NSMCE2: variants seen among roughly 807,000 people sequenced by gnomAD.
The protein encoded by NSMCE2 is NSE2 SUMO ligase component of SMC5/6 complex, also known as E3 SUMO-protein ligase NSE2.
A neutral mutation model predicts 23.8 loss-of-function variants in NSMCE2; 24 were observed. The ratio of observed to expected loss-of-function variants is 1.01; its 90% confidence interval spans 0.73 to 1.42. The LOEUF (loss-of-function observed/expected upper bound fraction) is 1.42, where lower values mean the gene tolerates loss of function less well. Ranked by LOEUF, NSMCE2 falls within the 40% of genes most tolerant of loss-of-function variation. NSMCE2 has a pLI of 0.00. For synonymous variants in NSMCE2, 92 were observed against 94.1 expected, an observed-to-expected ratio of 0.98 and a Z score of 0.13; for missense variants, 284 against 296.5, an observed-to-expected ratio of 0.96 and a Z score of 0.31.
intron 5 of NSMCE2, among the ~76,000 whole-genome samples, chr8:125,326,988 C>T (rs1305562660): frequency 6.8e-6 from 1 of 147,884 alleles, no homozygotes; most frequent in African/African-American, 2.5e-5. Flanking sequence ...GAGGGCCAGG[C>T]GAGGTGGCTC....
chr8:125,197,540 C>A (rs1198090423), intron 5 of NSMCE2, among the ~76,000 whole-genome samples: 1 of 152,146 alleles, frequency 6.6e-6, no homozygotes, highest in African/African-American at 2.4e-5. Context: ...GGCCTCTGTT[C>A]TGTTCCATTG....
chr8:125,279,705 A>G (rs564882828), intron 5 of NSMCE2, among the ~76,000 whole-genome samples: 1 of 152,322 alleles, frequency 6.6e-6, no homozygotes, highest in East Asian at 1.9e-4. Context: ...CAAGTGTGTC[A>G]TCTTGATTAT....
At position 125,268,321 on chromosome 8, in the gene NSMCE2, C is replaced by T. The variant is rs185673568; in HGVS notation, c.418+86065C>T. On this transcript the variant is annotated intron_variant, in intron 5 of 7. Transcript: ENST00000287437. ...GAAAGGAAAGTTGTGACGTATGTGG[C>T]AAAGGAAATTGACATTGTCACTGGC... Among the ~76,000 whole-genome samples the T allele has an allele frequency of 1.8e-3, 272 of 151,930 alleles. 4 individuals are homozygous for T. The highest frequency in any genetic ancestry group is 0.011 in the South Asian group (55 of 4,806).
intron 3 of NSMCE2, among the ~76,000 whole-genome samples, chr8:125,137,892 G>A (rs1820153187): frequency 6.6e-6 from 1 of 152,226 alleles, no homozygotes; most frequent in African/African-American, 2.4e-5. Flanking sequence ...TAAATGAGAT[G>A]ATGCATGTAA....
intron 5 of NSMCE2, among the ~76,000 whole-genome samples, chr8:125,271,396 T>C (rs930497378): frequency 3.3e-5 from 5 of 152,108 alleles, no homozygotes; most frequent in Admixed American, 2.0e-4. Context: ...ATATTTGGAA[T>C]GTTGTGGTAA....
At chr8:125,305,096 T>A (rs1348240324) in intron 5 of NSMCE2, among the ~76,000 whole-genome samples, 9 of 152,172 alleles carry the variant, frequency 5.9e-5, no homozygotes, top group African/African-American at 2.2e-4. Context: ...AAGTGAAGGA[T>A]GTCTTTATGT....
rs1167841454 is a variant in NSMCE2 at position 125,354,821 on chromosome 8, G to T, written c.419-2398G>T. ...ACAAGAGCTCTGCAGCCCTTTCCCT[G>T]CCCCTCAGTACAGCTTGAGCATCCC... On this transcript the variant is annotated intron_variant, in intron 5 of 7. Transcript: ENST00000287437. Among the ~76,000 whole-genome samples, 3 of 152,188 alleles carry T rather than the reference G, an allele frequency of 2.0e-5. No individual in the cohort carries two copies. In the East Asian group the frequency reaches 5.8e-4, roughly 29 times the overall value.
intron 5 of NSMCE2, among the ~76,000 whole-genome samples, chr8:125,301,472 C>T (rs976678540): frequency 6.6e-6 from 1 of 151,864 alleles, no homozygotes; most frequent in Non-Finnish European, 1.5e-5. Flanking sequence ...ATGGAGGTGG[C>T]GGTGGGGTGG....
intron 3 of NSMCE2, among the ~76,000 whole-genome samples, chr8:125,143,503 A>G (rs987656233): frequency 3.3e-5 from 5 of 152,206 alleles, no homozygotes; most frequent in African/African-American, 1.2e-4. Flanking sequence ...TCTTCTGAGT[A>G]TATGAGTCAT....
chr8:125,280,577 G>A (rs1827650558), intron 5 of NSMCE2, among the ~76,000 whole-genome samples: 1 of 152,102 alleles, frequency 6.6e-6, no homozygotes, highest in African/African-American at 2.4e-5. Flanking sequence ...ATCATACTTA[G>A]TTTTGAAACC....
chr8:125,231,891 C>T (rs1174474375), intron 5 of NSMCE2, among the ~76,000 whole-genome samples: 2 of 152,170 alleles, frequency 1.3e-5, no homozygotes, highest in Non-Finnish European at 2.9e-5. Context: ...ACACTTAAGA[C>T]AGGTCTGCCT....
intron 5 of NSMCE2, among the ~76,000 whole-genome samples, chr8:125,192,273 A>C (rs1010560586): frequency 2.0e-5 from 3 of 152,078 alleles, no homozygotes; most frequent in Admixed American, 1.3e-4. Context: ...GATATACTGG[A>C]AGTTTCAGGC....
In NSMCE2 at chr8:125,112,975, CA is replaced by C. The variant is rs199884509; in HGVS notation, c.157+10492del. On this transcript the variant is annotated intron_variant, in intron 3 of 7. Coordinates refer to ENST00000287437, the MANE Select transcript of NSMCE2 (RefSeq NM_173685.4). Reference sequence around the variant, plus strand: ...GCCATTCCACAGTGTTTACATATTTCAAAACAAAATGTATACCATAAATATA... The same window carrying C: ...GCCATTCCACAGTGTTTACATATTTCAAACAAAATGTATACCATAAATATA... Among the ~76,000 whole-genome samples, 1,057 of 138,744 alleles carry C rather than the reference CA, an allele frequency of 7.6e-3. 12 individuals are homozygous for C. The highest frequency in any genetic ancestry group is 0.024 in the Middle Eastern group (5 of 206). The allele number at this position is 138,744 out of a possible 152,430, so 91.0% of individuals were successfully genotyped here. A position where few individuals can be genotyped will look rare whatever the true frequency, so the allele number is the denominator to read the frequency against.
chr8:125,106,047 T>TACACAC (rs138450338), intron 3 of NSMCE2, among the ~76,000 whole-genome samples: 11,408 of 148,256 alleles, frequency 0.077, 467 homozygotes, highest in Non-Finnish European at 0.095. Flanking sequence ...TGTGTGTGCA[T>TACACAC]ACACACACAC....
chr8:125,275,669 A>C (rs756266331), intron 5 of NSMCE2, among the ~76,000 whole-genome samples: 1 of 152,238 alleles, frequency 6.6e-6, no homozygotes, highest in Non-Finnish European at 1.5e-5. Flanking sequence ...TCAGGGAAAG[A>C]GGAAACGAAG....
intron 5 of NSMCE2, among the ~76,000 whole-genome samples, chr8:125,213,485 G>GTCTCCTCTCCTCTCC (rs141971083): frequency 8.1e-4 from 61 of 75,140 alleles, no homozygotes; most frequent in African/African-American, 3.4e-3. Context: ...AGGCACCCAT[G>GTCTCCTCTCCTCTCC]TCTCCTCTCC....
chr8:125,296,417 C>T (rs904919072), intron 5 of NSMCE2, among the ~76,000 whole-genome samples: 3 of 73,030 alleles, frequency 4.1e-5, no homozygotes, highest in African/African-American at 1.0e-4. Context: ...TTTTTTGAAA[C>T]GGAGTCTTGC....
At chr8:125,155,704 T>C (rs1821270903) in intron 4 of NSMCE2, among the ~76,000 whole-genome samples, 1 of 152,216 alleles carries the variant, frequency 6.6e-6, no homozygotes, top group African/African-American at 2.4e-5. Flanking sequence ...TTTATGATTG[T>C]TTTAAACTAA....
intron 3 of NSMCE2, among the ~76,000 whole-genome samples, chr8:125,125,482 T>C (rs1586470706): frequency 6.6e-6 from 1 of 152,012 alleles, no homozygotes; most frequent in African/African-American, 2.4e-5. Context: ...AATAAGCAAG[T>C]GGAATAAAGC....
Sources: gnomAD v4.1 joint callset for allele counts (sites outside exome capture counted in the v4.1 genomes callset) on GRCh38, gnomAD v4.1.1 for gene constraint, MANE v1.5 for transcripts, NCBI Gene and HGNC (gene_info 2026-07-23, HGNC 2026-07-21) for gene names.